FAM3C: variants seen among roughly 807,000 people sequenced by gnomAD.
The protein encoded by FAM3C is FAM3 metabolism regulating signaling molecule C.
A neutral mutation model predicts 32.5 loss-of-function variants in FAM3C; 15 were observed. The observed-to-expected ratio is 0.46, with a 90% confidence interval of 0.31 to 0.71. FAM3C has a LOEUF of 0.71. Among genes scored for constraint, FAM3C ranks in the 30% least tolerant of loss-of-function variants. FAM3C has a pLI of 0.05. For synonymous variants in FAM3C, 75 were observed against 86.1 expected, an observed-to-expected ratio of 0.87 and a Z score of 0.72; for missense variants, 175 against 274.4, an observed-to-expected ratio of 0.64 and a Z score of 2.56.
intron 5 of FAM3C, 167 bp from the exon 6 acceptor site, chr7:121,364,355 A>T: frequency 1.9e-6 from 1 of 513,058 alleles, no homozygotes; most frequent in South Asian, 3.3e-5. Context: ...AGACAGTCTA[A>T]TACTGAATAA....
intron 2 of FAM3C, 56 bp from the exon 3 acceptor site, chr7:121,379,070 G>T: frequency 2.2e-6 from 2 of 906,634 alleles, no homozygotes; most frequent in South Asian, 1.7e-5. Context: ...CTTTTATTTT[G>T]CATTTCTATG....
At chr7:121,360,888 T>C (rs888377720) in intron 7 of FAM3C, among the ~76,000 whole-genome samples, 1 of 152,048 alleles carries the variant, frequency 6.6e-6, no homozygotes, top group African/African-American at 2.4e-5. Flanking sequence ...ACAATGTTTG[T>C]ATGGGTACTT....
At chr7:121,391,563 T>A (rs1794577888) in intron 1 of FAM3C, among the ~76,000 whole-genome samples, 2 of 152,226 alleles carry the variant, frequency 1.3e-5, no homozygotes, top group Non-Finnish European at 2.9e-5. Flanking sequence ...TATAGGTTCC[T>A]GTTCTACGTG....
At chr7:121,387,830 T>C (rs1181123914) in intron 1 of FAM3C, among the ~76,000 whole-genome samples, 2 of 152,242 alleles carry the variant, frequency 1.3e-5, no homozygotes, top group African/African-American at 4.8e-5. Flanking sequence ...TAAATGTGCA[T>C]CTAATGCTTA....
chr7:121,390,937 C>T (rs1338430880), intron 1 of FAM3C, among the ~76,000 whole-genome samples: 1 of 125,188 alleles, frequency 8.0e-6, no homozygotes, highest in Non-Finnish European at 1.6e-5. Context: ...ATTTTTCATT[C>T]TTTCTGGAAC....
Position 121,396,265 on chromosome 7 carries a change from C to T in FAM3C, c.-145G>A, listed in dbSNP as rs907029893. 7.9e-5 allele frequency: 12 copies of T among 152,274 alleles called. No individual in the cohort carries two copies. Among genetic ancestry groups the T allele is most frequent in the African/African-American group, 2.9e-4 (12 of 41,440 alleles). 9.4% of individuals were successfully genotyped at this position (152,274 alleles called of 1,614,324 possible). ...AGCCGCCGCCTCCAGCTCGCGCCTCCGCTTCCTCTCGGACTCCTCCGGCTG... is the reference window on the plus strand; with the variant it reads ...AGCCGCCGCCTCCAGCTCGCGCCTCTGCTTCCTCTCGGACTCCTCCGGCTG... On this transcript the variant is annotated 5_prime_UTR_variant, in exon 1 of 10. Transcript: ENST00000359943.
At chr7:121,372,170 G>A (rs142492265) in intron 3 of FAM3C, 31 bp from the exon 4 acceptor site, 1 of 1,545,668 alleles carries the variant, frequency 6.5e-7, no homozygotes, top group South Asian at 1.1e-5. Context: ...TTGTTAGAAG[G>A]AATGAGTCTA....
At chr7:121,382,108 A>G (rs1794368985) in intron 2 of FAM3C, among the ~76,000 whole-genome samples, 1 of 152,168 alleles carries the variant, frequency 6.6e-6, no homozygotes, top group South Asian at 2.1e-4. Flanking sequence ...TTTCCATGTA[A>G]AGTATGCATT....
chr7:121,394,042 A>G (rs1794634344), intron 1 of FAM3C, among the ~76,000 whole-genome samples: 1 of 152,250 alleles, frequency 6.6e-6, no homozygotes, highest in Admixed American at 6.5e-5. Flanking sequence ...GCATAAAAAT[A>G]AAAATAAAAA....
chr7:121,396,293 C>T lies in FAM3C; in HGVS notation c.-173G>A, dbSNP rs1794698153. 1 of 152,328 alleles carries T rather than the reference C, an allele frequency of 6.6e-6. No individual in the cohort carries two copies. Among genetic ancestry groups the T allele is most frequent in the Non-Finnish European group, 1.5e-5 (1 of 68,156 alleles). The allele number at this position is 152,328 out of a possible 1,614,324, so 9.4% of individuals were successfully genotyped here. A position where few individuals can be genotyped will look rare whatever the true frequency, so the allele number is the denominator to read the frequency against. ...TTCCTCTCGGACTCCTCCGGCTGCC[C>T]CTCACCCCGGCAAGTGGCCAGGAGA... On this transcript the variant is annotated 5_prime_UTR_variant, in exon 1 of 10. Transcript: ENST00000359943.
intron 8 of FAM3C, among the ~76,000 whole-genome samples, chr7:121,353,500 C>T (rs1022688104): frequency 3.3e-5 from 5 of 152,220 alleles, no homozygotes; most frequent in Non-Finnish European, 5.9e-5. Flanking sequence ...ACTAGCAAGA[C>T]TGACCCTTGG....
chr7:121,350,377 A>G lies in FAM3C; in HGVS notation c.*84T>C. ...CACACCAAGATGGCTGCATGCTCTTAAAATATTTACACATAGCTCTGCCAT... is the reference window on the plus strand; with the variant it reads ...CACACCAAGATGGCTGCATGCTCTTGAAATATTTACACATAGCTCTGCCAT... On this transcript the variant is annotated 3_prime_UTR_variant, in exon 10 of 10. Transcript: ENST00000359943. 1.3e-6 allele frequency: 2 copies of G among 1,593,544 alleles called. No individual in the cohort carries two copies. The highest frequency in any genetic ancestry group is 1.7e-6 in the Non-Finnish European group (2 of 1,166,152).
chr7:121,350,874 A>T (rs1394558986), intron 9 of FAM3C, among the ~76,000 whole-genome samples: 1 of 152,228 alleles, frequency 6.6e-6, no homozygotes, highest in East Asian at 1.9e-4. Context: ...AATCCTTAAT[A>T]ACTAAAGCTT....
chr7:121,359,919 G>A (rs1793885729), intron 8 of FAM3C, 124 bp downstream of exon 8: 2 of 627,458 alleles, frequency 3.2e-6, no homozygotes, highest in Non-Finnish European at 5.7e-6. Context: ...AACAAAAATT[G>A]TTAGTTGTGT....
At chr7:121,389,166 T>C (rs371905528) in intron 1 of FAM3C, among the ~76,000 whole-genome samples, 14 of 152,064 alleles carry the variant, frequency 9.2e-5, no homozygotes, top group African/African-American at 2.2e-4. Context: ...CAGCCAAGCC[T>C]GACAGGCCAT....
At chr7:121,392,527 A>G (rs1255151022) in intron 1 of FAM3C, among the ~76,000 whole-genome samples, 3 of 152,304 alleles carry the variant, frequency 2.0e-5, no homozygotes, top group Non-Finnish European at 1.5e-5. Flanking sequence ...ACAATTTGAG[A>G]TGAGATTTGA....
At chr7:121,376,764 G>C (rs1475786290) in intron 3 of FAM3C, among the ~76,000 whole-genome samples, 1 of 152,086 alleles carries the variant, frequency 6.6e-6, no homozygotes, top group African/African-American at 2.4e-5. Context: ...TGCCAAAACT[G>C]AAGTCTACAT....
chr7:121,393,914 T>G (rs1236164801), intron 1 of FAM3C, among the ~76,000 whole-genome samples: 2 of 152,228 alleles, frequency 1.3e-5, no homozygotes, highest in African/African-American at 2.4e-5. Context: ...GCTTCTGGAC[T>G]AAATTCAAGA....
intron 1 of FAM3C, among the ~76,000 whole-genome samples, chr7:121,393,467 T>C (rs1047517512): frequency 1.3e-5 from 2 of 151,898 alleles, no homozygotes; most frequent in Non-Finnish European, 2.9e-5. Flanking sequence ...AAATGAAAAA[T>C]TCTGTTACAG....
Sources: allele counts gnomAD v4.1 joint callset (sites outside exome capture counted in the v4.1 genomes callset), GRCh38; gene constraint gnomAD v4.1.1; transcripts MANE v1.5; gene names NCBI Gene and HGNC (gene_info 2026-07-23, HGNC 2026-07-21).